CELF2: variants seen among roughly 807,000 people sequenced by gnomAD.
CELF2 encodes the protein CUGBP Elav-like family member 2.
A neutral mutation model predicts 62.6 loss-of-function variants in CELF2; 8 were observed. The observed-to-expected ratio is 0.13, with a 90% CI of 0.07 to 0.23. The LOEUF (loss-of-function observed/expected upper bound fraction) is 0.23. CELF2 is among the 10% of genes least tolerant of loss of function. The pLI is 1.00. For missense variants in CELF2, 333 were observed against 671.0 expected (o/e 0.50, Z 5.56); for synonymous variants, 258 against 250.0 (o/e 1.03, Z -0.30).
upstream of CELF2, among the ~76,000 whole-genome samples, chr10:11,003,003 T>C (rs1301781511): frequency 6.6e-6 from 1 of 152,072 alleles, no homozygotes; most frequent in African/African-American, 2.4e-5. This position sits in a 1 kb window ranked among gnomAD's most constrained non-coding sequence, Gnocchi z 4.4. Flanking sequence ...CCATGTGGAG[T>C]TGGGGAGGTC....
At chr10:10,767,995 C>CAAAAAAAAAA in the CELF2 span, among the ~76,000 whole-genome samples, 2 of 23,058 alleles carry the variant, frequency 8.7e-5, no homozygotes, top group African/African-American at 4.2e-4. Context: ...GACTCCGTCT[C>CAAAAAAAAAA]AAAAAAAAAA....
chr10:11,032,026 G>A (rs7093733), intron 1 of CELF2, among the ~76,000 whole-genome samples: 2 of 151,706 alleles, frequency 1.3e-5, no homozygotes, highest in African/African-American at 4.8e-5. Flanking sequence ...GATTTAGATC[G>A]AAGCATGATA....
chr10:10,824,037 G>A (rs1325171312), intron 1 of CELF2, among the ~76,000 whole-genome samples: 1 of 152,154 alleles, frequency 6.6e-6, no homozygotes, highest in African/African-American at 2.4e-5. Flanking sequence ...AAGAGAGAGA[G>A]AGAGAGATGT....
chr10:10,752,429 G>A, the CELF2 span, among the ~76,000 whole-genome samples: 5 of 151,830 alleles, frequency 3.3e-5, no homozygotes, highest in African/African-American at 9.7e-5. Flanking sequence ...AGTGGCTCAC[G>A]CCTGTAATCC....
chr10:10,642,148 T>G, the CELF2 span, among the ~76,000 whole-genome samples: 120,231 of 152,122 alleles, frequency 0.79, 47,799 homozygotes, highest in South Asian at 0.87. Flanking sequence ...AGCAGAGAGG[T>G]CCAAGTCCTT....
At chr10:10,711,725 T>C in the CELF2 span, among the ~76,000 whole-genome samples, 9 of 151,898 alleles carry the variant, frequency 5.9e-5, no homozygotes, top group African/African-American at 2.2e-4. Flanking sequence ...CTACTAAAAA[T>C]ACAAAAATTA....
At chr10:10,587,683 G>A in the CELF2 span, among the ~76,000 whole-genome samples, 2 of 152,100 alleles carry the variant, frequency 1.3e-5, no homozygotes, top group African/African-American at 4.8e-5. Context: ...CTAGGAGCAG[G>A]AAATACCAAA....
chr10:11,046,959 G>A lies in CELF2; in HGVS notation c.74+28796G>A, dbSNP rs79820189. Reference sequence around the variant, plus strand: ...AAGGATTGTTCGGAATTATTATATTGTCAGACCCATTGTTTATTTCGCTCA... The same window carrying A: ...AAGGATTGTTCGGAATTATTATATTATCAGACCCATTGTTTATTTCGCTCA... On this transcript the variant is annotated intron_variant, in intron 1 of 12. Transcript: ENST00000633077. The surrounding 1 kb of genome is among the most constrained non-coding windows in gnomAD (Gnocchi z 4.6). Among the ~76,000 whole-genome samples, 1 of 151,694 alleles carries A rather than the reference G, an allele frequency of 6.6e-6. No homozygotes were observed. The highest frequency in any genetic ancestry group is 6.6e-5 in the Admixed American group (1 of 15,234).
chr10:11,100,987 G>A (rs1455236918), intron 1 of CELF2, among the ~76,000 whole-genome samples: 1 of 152,180 alleles, frequency 6.6e-6, no homozygotes, highest in Admixed American at 6.5e-5. Flanking sequence ...GGGCTGTCTA[G>A]TTAGATTTTG....
chr10:10,650,651 G>C, the CELF2 span, among the ~76,000 whole-genome samples: 1 of 152,200 alleles, frequency 6.6e-6, no homozygotes, highest in African/African-American at 2.4e-5. Flanking sequence ...CTCTAGGATG[G>C]CTATCATGAA....
At chr10:10,509,447 A>G in the CELF2 span, among the ~76,000 whole-genome samples, 1 of 152,170 alleles carries the variant, frequency 6.6e-6, no homozygotes, top group South Asian at 2.1e-4. Flanking sequence ...TGCCCTTTCC[A>G]CCAAATGAGA....
At chr10:11,167,456 G>A (rs2067553197) in intron 2 of CELF2, among the ~76,000 whole-genome samples, 2 of 152,186 alleles carry the variant, frequency 1.3e-5, no homozygotes, top group Admixed American at 1.3e-4. Context: ...TTGACATAAT[G>A]GTCAGAGCTC....
intron 2 of CELF2, among the ~76,000 whole-genome samples, chr10:10,968,857 A>G (rs781768889): frequency 1.3e-5 from 2 of 152,210 alleles, no homozygotes; most frequent in Non-Finnish European, 2.9e-5. Context: ...GTTATTCATG[A>G]TGTTTAAGGA....
intron 1 of CELF2, among the ~76,000 whole-genome samples, chr10:11,086,425 G>T (rs1182797841): frequency 6.6e-6 from 1 of 151,950 alleles, no homozygotes; most frequent in African/African-American, 2.4e-5. Flanking sequence ...GTCTGATAGG[G>T]AGTGGGGATT....
chr10:11,273,355 C>T (rs1379096088), intron 7 of CELF2, among the ~76,000 whole-genome samples: 2 of 152,094 alleles, frequency 1.3e-5, no homozygotes, highest in East Asian at 1.9e-4. Context: ...CTCCTAGGAG[C>T]ACGAACCTGG....
the CELF2 span, among the ~76,000 whole-genome samples, chr10:10,568,005 T>A: frequency 2.6e-5 from 4 of 152,010 alleles, no homozygotes; most frequent in African/African-American, 7.2e-5. Context: ...ACTCTCACTC[T>A]GGGGAATAAG....
chr10:10,615,901 G>T, the CELF2 span, among the ~76,000 whole-genome samples: 1 of 152,102 alleles, frequency 6.6e-6, no homozygotes, highest in Non-Finnish European at 1.5e-5. Flanking sequence ...AATATAACTG[G>T]TGAAGGAAGT....
chr10:10,893,616 G>T (rs763221504), intron 1 of CELF2, among the ~76,000 whole-genome samples: 10 of 152,160 alleles, frequency 6.6e-5, no homozygotes, highest in Admixed American at 1.3e-4. Context: ...GGTTTAATTG[G>T]CTCATGGTTC....
At chr10:11,025,202 CAT>C (rs903082574) in intron 1 of CELF2, among the ~76,000 whole-genome samples, 60 of 131,650 alleles carry the variant, frequency 4.6e-4, no homozygotes, top group Non-Finnish European at 4.3e-4. Context: ...GGGGTATATA[CAT>C]ATATGTGTGT....
Sources: gnomAD v4.1 joint callset for allele counts (sites outside exome capture counted in the v4.1 genomes callset) on GRCh38, gnomAD v4.1.1 for gene constraint, Gnocchi (gnomAD v3.1) non-coding constraint, MANE v1.5 for transcripts, NCBI Gene and HGNC (gene_info 2026-07-23, HGNC 2026-07-21) for gene names.